Variants in MLIP observed in about 807,000 individuals in gnomAD.
MLIP encodes muscular LMNA interacting protein.
In MLIP, 79 loss-of-function variants were observed where a neutral mutation model predicts 84.8. The observed-to-expected ratio is 0.93, with a 90% CI of 0.78 to 1.12. The LOEUF is 1.12. Among genes scored for constraint, MLIP ranks in the 50% most tolerant of loss-of-function variants. The pLI, the probability that MLIP is intolerant of heterozygous loss-of-function variation, is 0.00. For missense variants in MLIP, 1,257 were observed against 1,160.6 expected (o/e 1.08, Z -1.21); for synonymous variants, 504 against 463.0 (o/e 1.09, Z -1.14).
intron 1 of MLIP, among the ~76,000 whole-genome samples, chr6:54,098,653 A>C (rs1582136563): frequency 1.3e-5 from 2 of 152,274 alleles, no homozygotes; most frequent in East Asian, 3.9e-4. Context: ...GCTTATCTTT[A>C]GAGTGTTGAA....
chr6:54,032,694 G>C (rs1182369083), intron 1 of MLIP, among the ~76,000 whole-genome samples: 1 of 152,010 alleles, frequency 6.6e-6, no homozygotes, highest in African/African-American at 2.4e-5. Flanking sequence ...GCTGGGACTA[G>C]AGGTGTGCAC....
At chr6:54,170,675 ATC>A (rs1263864981) in intron 9 of MLIP, among the ~76,000 whole-genome samples, 1 of 151,586 alleles carries the variant, frequency 6.6e-6, no homozygotes, top group African/African-American at 2.4e-5. Flanking sequence ...TTGTTTCTTC[ATC>A]TATGAAATGG....
At chr6:54,061,253 T>C (rs1177298347) in intron 1 of MLIP, among the ~76,000 whole-genome samples, 2 of 152,034 alleles carry the variant, frequency 1.3e-5, no homozygotes, top group South Asian at 2.1e-4. Context: ...GGCAAGGAAA[T>C]AGAGATGGCC....
intron 11 of MLIP, among the ~76,000 whole-genome samples, chr6:54,228,114 C>CAT (rs1202531958): frequency 1.7e-5 from 2 of 120,142 alleles, no homozygotes; most frequent in African/African-American, 5.9e-5. Context: ...ACCCCGGAGG[C>CAT]GGAGCTTGCA....
At chr6:54,065,672 T>C (rs1186550521) in intron 1 of MLIP, among the ~76,000 whole-genome samples, 1 of 99,464 alleles carries the variant, frequency 1.0e-5, no homozygotes, top group African/African-American at 2.6e-5. Flanking sequence ...TGGGTGGATT[T>C]TGGTTCCCTC....
chr6:54,232,531 A>T (rs1207267355), intron 12 of MLIP, among the ~76,000 whole-genome samples: 3 of 152,316 alleles, frequency 2.0e-5, no homozygotes, highest in Admixed American at 1.3e-4. Flanking sequence ...TAGTAATAAT[A>T]ATAAGATAGT....
intron 4 of MLIP, among the ~76,000 whole-genome samples, chr6:54,145,712 G>A (rs1003906496): frequency 6.6e-6 from 1 of 151,924 alleles, no homozygotes; most frequent in African/African-American, 2.4e-5. Flanking sequence ...GGAGTTAGAG[G>A]CTGTAGTGAG....
chr6:54,026,564 G>A (rs951409859), intron 1 of MLIP, among the ~76,000 whole-genome samples: 1 of 152,168 alleles, frequency 6.6e-6, no homozygotes, highest in African/African-American at 2.4e-5. Flanking sequence ...TGGACCATGA[G>A]GATCATTGGG....
At chr6:54,105,566 G>T (rs1275481776) in intron 1 of MLIP, among the ~76,000 whole-genome samples, 3 of 152,166 alleles carry the variant, frequency 2.0e-5, no homozygotes, top group African/African-American at 7.2e-5. Context: ...TGCCCTCATG[G>T]TGATTAAAAT....
chr6:54,121,714 C>G, intron 2 of MLIP, 112 bp downstream of exon 2: 2 of 751,204 alleles, frequency 2.7e-6, no homozygotes, highest in Non-Finnish European at 2.1e-6. Flanking sequence ...GACTGTGACT[C>G]TAAGTTTGAC....
Position 54,266,090 on chromosome 6 carries a change from A to C in MLIP, c.*135A>C. On this transcript the variant is annotated 3_prime_UTR_variant, in exon 14 of 14. Transcript: ENST00000502396. Reference sequence around the variant, plus strand: ...TATGAGCTGCAGTGCAGCAGAACCAAAAAAAAAGTTTGCTGCAATTATATA... The same window carrying C: ...TATGAGCTGCAGTGCAGCAGAACCACAAAAAAAGTTTGCTGCAATTATATA... 1.2e-6 allele frequency: 1 copy of C among 831,820 alleles called. No homozygotes were observed. Among genetic ancestry groups the C allele is most frequent in the Non-Finnish European group, 1.9e-6 (1 of 517,994 alleles). The allele number at this position is 831,820 out of a possible 1,614,324, so 51.5% of individuals were successfully genotyped here. A position where few individuals can be genotyped will look rare whatever the true frequency, so the allele number is the denominator to read the frequency against.
chr6:54,157,983 C>T (rs960016989), intron 5 of MLIP, among the ~76,000 whole-genome samples: 3 of 152,038 alleles, frequency 2.0e-5, no homozygotes, highest in African/African-American at 7.2e-5. Context: ...ACAATATTTA[C>T]CCTTATGAGC....
In MLIP at chr6:54,152,117, A is replaced by T. The variant is rs145525611; in HGVS notation, c.2289+2990A>T. 5.8e-4 allele frequency among the ~76,000 whole-genome samples: 89 copies of T among 152,266 alleles called. 1 individual carries two copies. The highest frequency in any genetic ancestry group is 2.0e-3 in the African/African-American group (83 of 41,572). On this transcript the variant is annotated intron_variant, in intron 5 of 13. Transcript: ENST00000502396. ...TAAATAAGGATTTCTAGGGAGAGAT[A>T]AATGTAAGGTATGATTTTTATTGTG...
At chr6:54,232,936 C>T (rs1015703697) in intron 12 of MLIP, among the ~76,000 whole-genome samples, 1 of 152,160 alleles carries the variant, frequency 6.6e-6, no homozygotes, top group Non-Finnish European at 1.5e-5. Flanking sequence ...TATTCTTCTT[C>T]TGCTGAGTCT....
intron 13 of MLIP, among the ~76,000 whole-genome samples, chr6:54,258,075 C>G (rs181805255): frequency 2.0e-3 from 311 of 152,134 alleles, no homozygotes; most frequent in African/African-American, 6.5e-3. Context: ...TACATCCCCT[C>G]AGATAAAGTG....
At chr6:54,154,891 G>A (rs1204858948) in intron 5 of MLIP, among the ~76,000 whole-genome samples, 1 of 151,938 alleles carries the variant, frequency 6.6e-6, no homozygotes, top group Non-Finnish European at 1.5e-5. Flanking sequence ...CAGTGAAGGA[G>A]GTGCTTCTGG....
At chr6:54,081,731 T>A (rs975523084) in intron 1 of MLIP, among the ~76,000 whole-genome samples, 1 of 152,104 alleles carries the variant, frequency 6.6e-6, no homozygotes, top group Non-Finnish European at 1.5e-5. Flanking sequence ...TATGTTTTTA[T>A]GAGAAAATGT....
intron 1 of MLIP, among the ~76,000 whole-genome samples, chr6:54,099,168 C>G (rs1324590707): frequency 2.6e-5 from 4 of 151,840 alleles, no homozygotes; most frequent in African/African-American, 9.7e-5. Context: ...TGTATATTTC[C>G]CATGTCAGCT....
At chr6:54,248,438 C>T (rs992915483) in intron 12 of MLIP, among the ~76,000 whole-genome samples, 3 of 152,086 alleles carry the variant, frequency 2.0e-5, no homozygotes, top group Non-Finnish European at 4.4e-5. Context: ...TTCATTATAA[C>T]CTGGGAGCTG....
Sources: gnomAD v4.1 joint callset for allele counts (sites outside exome capture counted in the v4.1 genomes callset) on GRCh38, gnomAD v4.1.1 for gene constraint, MANE v1.5 for transcripts, NCBI Gene and HGNC (gene_info 2026-07-23, HGNC 2026-07-21) for gene names.